SETDB1: variants seen among roughly 807,000 people sequenced by gnomAD.
SETDB1 encodes histone-lysine N-methyltransferase SETDB1.
A neutral mutation model predicts 137.4 loss-of-function variants in SETDB1; 31 were observed. The ratio of observed to expected loss-of-function variants is 0.23; its 90% confidence interval spans 0.17 to 0.30. SETDB1 has a LOEUF of 0.30. SETDB1 is among the 10% of genes least tolerant of loss of function. The pLI, the probability that SETDB1 is intolerant of heterozygous loss-of-function variation, is 1.00. For missense variants in SETDB1, 1,113 were observed against 1,631.5 expected (o/e 0.68, Z 5.47); for synonymous variants, 548 against 579.9 (o/e 0.95, Z 0.79).
chr1:150,928,075 T>C, intron 2 of SETDB1, 101 bp downstream of exon 2: 1 of 1,386,810 alleles, frequency 7.2e-7, no homozygotes, highest in Non-Finnish European at 9.9e-7. Context: ...TTTTATGTTT[T>C]GAGACGGAGT....
Position 150,962,692 on chromosome 1 carries a change from C to T in SETDB1, c.3267C>T (p.Leu1089=). The change falls in exon 18 of 22, where the codon CTC becomes CTT. Residue 1089 remains leucine, a synonymous_variant. Transcript: ENST00000692827. ...CTAGTATGCATCAAAGCCGAAGACT[C>T]ATGGCTTCTGCTCAGTCCAACCCTG... ...SKTSMHQSRR[L]MASAQSNPDD... 1.2e-6 allele frequency: 2 copies of T among 1,614,160 alleles called. No homozygotes were observed. Among genetic ancestry groups the T allele is most frequent in the Non-Finnish European group, 1.7e-6 (2 of 1,179,996 alleles).
chr1:150,929,809 T>C (rs1475633456), intron 2 of SETDB1, among the ~76,000 whole-genome samples, 158 bp from the exon 3 acceptor site: 1 of 152,204 alleles, frequency 6.6e-6, no homozygotes, highest in African/African-American at 2.4e-5. Flanking sequence ...CATTTTTCTA[T>C]AGAAAAAGCA....
chr1:150,940,569 G>GAAA (rs750914457), intron 4 of SETDB1, among the ~76,000 whole-genome samples: 1 of 116,954 alleles, frequency 8.6e-6, no homozygotes, highest in Admixed American at 9.1e-5. Flanking sequence ...CTCTGTCTCA[G>GAAA]AAAAAAAAAA....
At chr1:150,959,037 C>A in intron 14 of SETDB1, 141 bp from the exon 15 acceptor site, 1 of 596,004 alleles carries the variant, frequency 1.7e-6, no homozygotes, top group Non-Finnish European at 2.7e-6. Flanking sequence ...TAGATCCACT[C>A]ACTTAGATCA....
chr1:150,942,422 T>C, intron 5 of SETDB1, 141 bp from the exon 6 acceptor site: 1 of 639,170 alleles, frequency 1.6e-6, no homozygotes, highest in South Asian at 2.0e-5. Flanking sequence ...CACTCCAGCC[T>C]GGTGACAGAG....
chr1:150,934,824 T>A (rs1283927829), intron 3 of SETDB1, among the ~76,000 whole-genome samples: 1 of 138,270 alleles, frequency 7.2e-6, no homozygotes, highest in East Asian at 2.0e-4. Context: ...GGATATAGAA[T>A]TTTTTTTTTT....
Position 150,950,740 on chromosome 1 carries a change from G to A in SETDB1, c.1866G>A (p.Met622Ile), listed in dbSNP as rs1670471007. The change falls in exon 13 of 22, where the codon ATG (methionine) becomes ATA (isoleucine). Residue 622 changes from methionine to isoleucine, a missense_variant. Met to Ile is a conservative substitution (Grantham distance 10, BLOSUM62 1). Around this residue, in one of 11 missense-constraint regions of SETDB1, gnomAD observed 55 missense variants for 118.5 expected, o/e 0.46. Transcript: ENST00000692827. Reference sequence around the variant, plus strand: ...CCCGGCGTCGAGTTAACCGCAAGATGGGCTTTCATGTTATCTATAAGACAC... The same window carrying A: ...CCCGGCGTCGAGTTAACCGCAAGATAGGCTTTCATGTTATCTATAAGACAC... ...MTARRRVNRK[M>I]GFHVIYKTPC... 6.2e-7 allele frequency: 1 copy of A among 1,614,092 alleles called. No homozygotes were observed. Among genetic ancestry groups the A allele is most frequent in the Admixed American group, 1.7e-5 (1 of 60,002 alleles).
chr1:150,936,014 T>C (rs760531314), intron 3 of SETDB1, among the ~76,000 whole-genome samples: 5 of 152,204 alleles, frequency 3.3e-5, no homozygotes, highest in Non-Finnish European at 5.9e-5. Context: ...TGAGACGGAG[T>C]CTCGCTCTGT....
In SETDB1 at chr1:150,927,595, GA is replaced by G. The variant is rs1243401285; in HGVS notation, c.-11-107del. 16 of 952,300 alleles carry G rather than the reference GA, an allele frequency of 1.7e-5. No homozygotes were observed. In the African/African-American group the frequency reaches 2.0e-4, roughly 12 times the overall value. The allele number at this position is 952,300 out of a possible 1,614,324, so 59.0% of individuals were successfully genotyped here. A position where few individuals can be genotyped will look rare whatever the true frequency, so the allele number is the denominator to read the frequency against. ...AGGGAGAACATGGAATATTTGAATAGAATAACAGGCAGCAGAGTAGGAATTA... is the reference window on the plus strand; with the variant it reads ...AGGGAGAACATGGAATATTTGAATAGATAACAGGCAGCAGAGTAGGAATTA... On this transcript the variant is annotated intron_variant, in intron 1 of 21. Transcript: ENST00000692827.
chr1:150,959,794 C>T (rs1157855329), intron 15 of SETDB1, among the ~76,000 whole-genome samples: 2 of 152,076 alleles, frequency 1.3e-5, no homozygotes, highest in Non-Finnish European at 2.9e-5. Context: ...AACACTGGGC[C>T]GGCGTGGTGG....
Position 150,944,950 on chromosome 1 carries a change from T to G in SETDB1, c.982T>G (p.Ser328Ala), listed in dbSNP as rs772638184. Reference sequence around the variant, plus strand: ...GACTTGGGAGGACATAGAAGACATCTCCTGCCGTGACTTCATAGAGGAGTA... The same window carrying G: ...GACTTGGGAGGACATAGAAGACATCGCCTGCCGTGACTTCATAGAGGAGTA... ...KKTWEDIEDI[S>A]CRDFIEEYVT... Residue 328 changes from serine to alanine, a missense_variant, in exon 9 of 22, where the codon TCC becomes GCC. By Grantham distance (99) the Ser-to-Ala change is moderately conservative. Around this residue, in one of 11 missense-constraint regions of SETDB1, gnomAD observed 154 missense variants for 303.1 expected, o/e 0.51. Coordinates refer to ENST00000692827, the MANE Select transcript of SETDB1 (RefSeq NM_001366418.1). The G allele has an allele frequency of 6.2e-7, 1 of 1,613,784 alleles. No individual in the cohort carries two copies. Among genetic ancestry groups the G allele is most frequent in the Non-Finnish European group, 8.5e-7 (1 of 1,179,950 alleles).
chr1:150,957,276 G>C (rs892749560), intron 14 of SETDB1, among the ~76,000 whole-genome samples: 3 of 152,182 alleles, frequency 2.0e-5, no homozygotes, highest in African/African-American at 7.2e-5. Context: ...GCTGAGGCAG[G>C]AGAATCGCTT....
At chr1:150,933,279 C>T (rs1027700486) in intron 3 of SETDB1, among the ~76,000 whole-genome samples, 6 of 151,738 alleles carry the variant, frequency 4.0e-5, no homozygotes, top group Non-Finnish European at 5.9e-5. Flanking sequence ...AGGCTGGTCT[C>T]GAACTCCTGA....
chr1:150,943,135 A>G, intron 7 of SETDB1, 82 bp downstream of exon 7: 2 of 972,818 alleles, frequency 2.1e-6, no homozygotes, highest in Admixed American at 2.1e-5. Flanking sequence ...AGATACCACA[A>G]TTAGCTTTTG....
intron 1 of SETDB1, among the ~76,000 whole-genome samples, chr1:150,927,487 C>A (rs1209521231): frequency 3.9e-5 from 6 of 152,136 alleles, no homozygotes; most frequent in Admixed American, 3.9e-4. Context: ...GTCTCAAACT[C>A]TTAAATCTTT....
Position 150,928,539 on chromosome 1 carries a change from ACT to A in SETDB1, c.260+568_260+569del, listed in dbSNP as rs587629954. Among the ~76,000 whole-genome samples, 8 of 152,186 alleles carry A rather than the reference ACT, an allele frequency of 5.3e-5. No individual in the cohort carries two copies. The East Asian group carries it at 1.5e-3, about 29-fold the overall frequency. On this transcript the variant is annotated intron_variant, in intron 2 of 21. Transcript: ENST00000692827. ...TTGTAAAGAATTTCTGTCTTACGTA[ACT>A]CTGAAGCATTAGTAAGTTCCCATAC... is the stretch of plus-strand genomic sequence containing the variant.
At chr1:150,960,501 C>CA (rs377737157) in intron 15 of SETDB1, 62 bp from the exon 16 acceptor site, 86,131 of 812,588 alleles carry the variant, frequency 0.11, 1,547 homozygotes, top group African/African-American at 0.29. Flanking sequence ...AAAAAGCAAA[C>CA]AAAAAAAAAA....
intron 8 of SETDB1, among the ~76,000 whole-genome samples, chr1:150,944,410 A>G (rs1670259872): frequency 6.6e-6 from 1 of 152,234 alleles, no homozygotes; most frequent in African/African-American, 2.4e-5. Context: ...AGTGTCCACT[A>G]TATTTGTTAC....
In SETDB1 at chr1:150,964,453, G is replaced by A; in HGVS notation, c.*89G>A. The A allele has an allele frequency of 1.1e-6, 1 of 924,558 alleles. No homozygotes were observed. Among genetic ancestry groups the A allele is most frequent in the Non-Finnish European group, 1.7e-6 (1 of 573,616 alleles). 57.3% of individuals were successfully genotyped at this position (924,558 alleles called of 1,614,324 possible). On this transcript the variant is annotated 3_prime_UTR_variant, in exon 22 of 22. Transcript: ENST00000692827. The stretch of plus-strand genomic sequence containing the variant: ...TGTTGAACCCTGACCCGAAGTCTCT[G>A]GGCTAGCTACTCCCCCCAGCTCCTA...
Sources: allele counts gnomAD v4.1 joint callset (sites outside exome capture counted in the v4.1 genomes callset), GRCh38; gene constraint gnomAD v4.1.1; regional missense constraint gnomAD v4.1.1; transcripts MANE v1.5; gene names NCBI Gene and HGNC (gene_info 2026-07-23, HGNC 2026-07-21).